PRKAB2: variants seen among roughly 807,000 people sequenced by gnomAD.
PRKAB2 encodes 5'-AMP-activated protein kinase subunit beta-2.
A neutral mutation model predicts 29.8 loss-of-function variants in PRKAB2; 18 were observed. The ratio of observed to expected loss-of-function variants is 0.60; its 90% CI spans 0.42 to 0.89. The LOEUF (loss-of-function observed/expected upper bound fraction) is 0.89, where lower values mean the gene tolerates loss of function less well. Among genes scored for constraint, PRKAB2 ranks in the 40% least tolerant of loss-of-function variants. The pLI is 0.00. For synonymous variants in PRKAB2, 136 were observed against 125.9 expected, an observed-to-expected ratio of 1.08 and a Z score of -0.54; for missense variants, 270 against 344.3, an observed-to-expected ratio of 0.78 and a Z score of 1.71.
chr1:147,172,379 C>G, intron 1 of PRKAB2, 50 bp downstream of exon 1: 3 of 585,200 alleles, frequency 5.1e-6, no homozygotes, highest in Non-Finnish European at 8.6e-6. Flanking sequence ...CTATCGGGAC[C>G]TCCCCCGCGT....
chr1:147,171,928 G>A, intron 2 of PRKAB2, 61 bp downstream of exon 2: 1 of 1,555,322 alleles, frequency 6.4e-7, no homozygotes, highest in East Asian at 2.4e-5. Context: ...AGAAAGGGAA[G>A]AGGAGCCCAG....
chr1:147,161,881 T>G, intron 6 of PRKAB2, 101 bp from the exon 7 acceptor site: 2 of 875,594 alleles, frequency 2.3e-6, no homozygotes, highest in Non-Finnish European at 3.5e-6. Context: ...TTGAGAAATT[T>G]AAACTAGAAT....
rs1382104433 is a variant in PRKAB2 at position 147,172,436 on chromosome 1, G to C, written c.-31C>G. ...CGCCCCCACTCCAGTCACCTCGGGC[G>C]ATGCGCTCCCTCCTCCAAGGGCCAC... On this transcript the variant is annotated 5_prime_UTR_variant, in exon 1 of 8. The change creates a new upstream start codon in the 5' untranslated region. Coordinates refer to ENST00000254101, the MANE Select transcript of PRKAB2 (RefSeq NM_005399.5). 1 of 496,120 alleles carries C rather than the reference G, an allele frequency of 2.0e-6. No individual in the cohort carries two copies. 30.7% of individuals were successfully genotyped at this position (496,120 alleles called of 1,614,324 possible).
chr1:147,160,248 G>A (rs782701390), intron 7 of PRKAB2, among the ~76,000 whole-genome samples: 1 of 152,098 alleles, frequency 6.6e-6, no homozygotes, highest in Non-Finnish European at 1.5e-5. Flanking sequence ...TCTTCAGAAA[G>A]ACACCCAATC....
At position 147,162,517 on chromosome 1, in the gene PRKAB2, C is replaced by T; in HGVS notation, c.595G>A (p.Glu199Lys). The T allele has an allele frequency of 6.2e-7, 1 of 1,612,038 alleles. No homozygotes were observed. Among genetic ancestry groups the T allele is most frequent in the Non-Finnish European group, 8.5e-7 (1 of 1,178,308 alleles). The change falls in exon 6 of 8, where the codon GAG becomes AAG. Residue 199 changes from glutamate to lysine, a missense_variant. Glu to Lys is a moderately conservative substitution (Grantham distance 56). Coordinates refer to ENST00000254101, the MANE Select transcript of PRKAB2 (RefSeq NM_005399.5). ...YGQEMYAFRS[E>K]ERFKSPPILP... ...ATGGGTGGGGATTTGAATCTTTCCT[C>T]AGATCGAAACGCATACATTTCTTGA...
At chr1:147,162,616 A>AT in intron 5 of PRKAB2, 43 bp from the exon 6 acceptor site, 1 of 1,556,072 alleles carries the variant, frequency 6.4e-7, no homozygotes, top group African/African-American at 1.4e-5. Flanking sequence ...TTGGAGAATT[A>AT]GCAAGAATGC....
intron 5 of PRKAB2, among the ~76,000 whole-genome samples, chr1:147,163,734 G>C (rs587609175): frequency 1.3e-5 from 2 of 152,228 alleles, no homozygotes; most frequent in East Asian, 3.9e-4. Context: ...GGTTTATTCT[G>C]CGGGTGATAA....
chr1:147,170,579 G>GT (rs782512402), intron 2 of PRKAB2, among the ~76,000 whole-genome samples: 61 of 149,708 alleles, frequency 4.1e-4, no homozygotes, highest in Non-Finnish European at 6.4e-4. Context: ...ATTATGGTTG[G>GT]TTTTTTTGTT....
chr1:147,163,469 T>A (rs1654071229), intron 5 of PRKAB2, among the ~76,000 whole-genome samples: 1 of 152,168 alleles, frequency 6.6e-6, no homozygotes, highest in African/African-American at 2.4e-5. Context: ...ACTGAATGGA[T>A]AAACAAACAG....
chr1:147,167,708 GAGAAA>G (rs1179295495), intron 3 of PRKAB2, 54 bp downstream of exon 3: 2 of 1,552,700 alleles, frequency 1.3e-6, no homozygotes, highest in Non-Finnish European at 1.7e-6. Flanking sequence ...TCTCTCTTCT[GAGAAA>G]AGAAATCAGG....
rs117282091 is a variant in PRKAB2 at position 147,162,898 on chromosome 1, T to C, written c.539-325A>G. Among the ~76,000 whole-genome samples, 149 of 152,346 alleles carry C rather than the reference T, an allele frequency of 9.8e-4. No homozygotes were observed. The East Asian group carries it at 0.028, about 28-fold the overall frequency. ...ATCCCTCCACAATGGTCAGTTTCTT[T>C]ATAAAATAAAAATAATCTTTGCCCT... On this transcript the variant is annotated intron_variant, in intron 5 of 7. Coordinates refer to ENST00000254101, the MANE Select transcript of PRKAB2 (RefSeq NM_005399.5).
chr1:147,168,032 G>A, intron 2 of PRKAB2, 99 bp from the exon 3 acceptor site: 1 of 1,316,774 alleles, frequency 7.6e-7, no homozygotes, highest in Non-Finnish European at 1.0e-6. Flanking sequence ...CTAGGCTTTG[G>A]CTAAGGATAT....
chr1:147,164,518 G>T (rs189476397), intron 5 of PRKAB2, among the ~76,000 whole-genome samples: 75 of 152,254 alleles, frequency 4.9e-4, no homozygotes, highest in African/African-American at 1.8e-3. Flanking sequence ...GTAATACTCT[G>T]ATATTAAATA....
chr1:147,168,746 T>C (rs1553913983), intron 2 of PRKAB2, among the ~76,000 whole-genome samples: 1 of 152,246 alleles, frequency 6.6e-6, no homozygotes, highest in African/African-American at 2.4e-5. Context: ...GTAAGCCAGA[T>C]GCTTTTATCA....
chr1:147,169,157 A>G (rs1287882614), intron 2 of PRKAB2, among the ~76,000 whole-genome samples: 1 of 152,170 alleles, frequency 6.6e-6, no homozygotes, highest in Non-Finnish European at 1.5e-5. Context: ...TTAAGCCTAA[A>G]TATTACTAAA....
rs1013610345 is a variant in PRKAB2, at chr1:147,165,910, G to A, written c.538+588C>T. 3.3e-5 allele frequency among the ~76,000 whole-genome samples: 5 copies of A among 152,098 alleles called. No homozygotes were observed. In the East Asian group the frequency reaches 7.7e-4, roughly 23 times the overall value. ...CCTCCTGGGCTCAAGCAATCCTCAC[G>A]CCTCAGCCTCCCAAATTGTTGGGAC... On this transcript the variant is annotated intron_variant, in intron 5 of 7. Coordinates refer to ENST00000254101, the MANE Select transcript of PRKAB2 (RefSeq NM_005399.5).
intron 5 of PRKAB2, 118 bp downstream of exon 5, chr1:147,166,380 T>G: frequency 8.9e-7 from 1 of 1,119,918 alleles, no homozygotes; most frequent in African/African-American, 1.6e-5. Flanking sequence ...TCTCTCTCTC[T>G]CCTCCCCCCA....
In PRKAB2 at chr1:147,162,139, C is replaced by T. The variant is rs116002740; in HGVS notation, c.672+301G>A. The stretch of plus-strand genomic sequence containing the variant: ...GAGACATGAATTATATACAAAAAAG[C>T]TTTCATAGTTCTTTTGTACACCCCC... On this transcript the variant is annotated intron_variant, in intron 6 of 7. Coordinates refer to ENST00000254101, the MANE Select transcript of PRKAB2 (RefSeq NM_005399.5). Among the ~76,000 whole-genome samples, 1,239 of 152,200 alleles carry T rather than the reference C, an allele frequency of 8.1e-3. 17 individuals are homozygous for T. The highest frequency in any genetic ancestry group is 0.028 in the African/African-American group (1,169 of 41,506).
chr1:147,163,979 G>A (rs1040187963), intron 5 of PRKAB2, among the ~76,000 whole-genome samples: 6 of 151,964 alleles, frequency 3.9e-5, no homozygotes, highest in African/African-American at 1.5e-4. Flanking sequence ...CTGTGTCACC[G>A]AGTCTGGAGT....
Sources: allele counts gnomAD v4.1 joint callset (sites outside exome capture counted in the v4.1 genomes callset), GRCh38; gene constraint gnomAD v4.1.1; transcripts MANE v1.5; gene names NCBI Gene and HGNC (gene_info 2026-07-23, HGNC 2026-07-21).